Variants in FOXK1 observed in about 807,000 individuals in gnomAD.
FOXK1 encodes forkhead box protein K1.
A neutral mutation model predicts 51.9 loss-of-function variants in FOXK1; 19 were observed. That is an observed-to-expected ratio of 0.37 (90% confidence interval 0.26 to 0.54). The LOEUF is 0.54. FOXK1 is among the 20% of genes least tolerant of loss of function. The pLI, the probability that FOXK1 is intolerant of heterozygous loss-of-function variation, is 0.87. For missense variants in FOXK1, 870 were observed against 1,032.7 expected, an observed-to-expected ratio of 0.84 and a Z score of 2.16; for synonymous variants, 537 against 482.6, an observed-to-expected ratio of 1.11 and a Z score of -1.48.
In FOXK1 at chr7:4,723,395, T is replaced by A. The variant is rs770020706; in HGVS notation, c.561-17443T>A. ...CTGTTTTTGTTTTCTGTGGGGTTTT[T>A]TTTTTGGACGTTCCCAGCTGACTAA... On this transcript the variant is annotated intron_variant, in intron 1 of 8. Transcript: ENST00000328914. This position sits in a 1 kb window ranked among gnomAD's most constrained non-coding sequence, Gnocchi z 4.7. Among the ~76,000 whole-genome samples the A allele has an allele frequency of 6.6e-6, 1 of 152,126 alleles. No individual in the cohort carries two copies. Among genetic ancestry groups the A allele is most frequent in the Non-Finnish European group, 1.5e-5 (1 of 67,986 alleles).
At chr7:4,732,807 C>T (rs1307905090) in intron 1 of FOXK1, among the ~76,000 whole-genome samples, 1 of 152,218 alleles carries the variant, frequency 6.6e-6, no homozygotes, top group Non-Finnish European at 1.5e-5. Flanking sequence ...TCTACTGCTG[C>T]CCTCCTCATC....
intron 1 of FOXK1, among the ~76,000 whole-genome samples, chr7:4,688,335 C>G (rs1779846360): frequency 6.7e-6 from 1 of 149,342 alleles, no homozygotes; most frequent in African/African-American, 2.4e-5. Flanking sequence ...TTACTGTCCT[C>G]AAATAATCAG....
intron 1 of FOXK1, among the ~76,000 whole-genome samples, chr7:4,725,452 G>C (rs1237457730): frequency 6.6e-6 from 1 of 152,246 alleles, no homozygotes; most frequent in Non-Finnish European, 1.5e-5. Context: ...AGCCCAGCCA[G>C]CCAGGGGGAC....
In FOXK1 at chr7:4,747,461, A is replaced by C. The variant is rs12701915; in HGVS notation, c.746+6438A>C. 2.0e-5 allele frequency among the ~76,000 whole-genome samples: 3 copies of C among 152,052 alleles called. No individual in the cohort carries two copies. The highest frequency in any genetic ancestry group is 4.4e-5 in the Non-Finnish European group (3 of 67,984). On this transcript the variant is annotated intron_variant, in intron 2 of 8. Coordinates refer to ENST00000328914, the MANE Select transcript of FOXK1 (RefSeq NM_001037165.2). The surrounding 1 kb of genome is among the most constrained non-coding windows in gnomAD (Gnocchi z 9.2). ...TCACCAGGGCAAAGTGCACTTCAGA[A>C]ACAAGTTAATTTTATTTTCTAAATT...
Position 4,716,680 on chromosome 7 carries a change from A to G in FOXK1, c.561-24158A>G, listed in dbSNP as rs114663813. On this transcript the variant is annotated intron_variant, in intron 1 of 8. Coordinates refer to ENST00000328914, the MANE Select transcript of FOXK1 (RefSeq NM_001037165.2). The stretch of plus-strand genomic sequence containing the variant: ...GTGCTGCTCTTGGAAGCGGGTGAGT[A>G]CAGAGGCCAGTGAGGGCACAGCAGG... Among the ~76,000 whole-genome samples, 506 of 152,260 alleles carry G rather than the reference A, an allele frequency of 3.3e-3. 4 individuals are homozygous for G. The highest frequency in any genetic ancestry group is 0.012 in the African/African-American group (492 of 41,560).
At chr7:4,700,493 C>T (rs1416701558) in intron 1 of FOXK1, among the ~76,000 whole-genome samples, 1 of 152,118 alleles carries the variant, frequency 6.6e-6, no homozygotes, top group Admixed American at 6.5e-5. Flanking sequence ...GTGAGAATTA[C>T]TAGAGATACA....
chr7:4,743,292 C>G lies in FOXK1; in HGVS notation c.746+2269C>G, dbSNP rs183270191. On this transcript the variant is annotated intron_variant, in intron 2 of 8. Transcript: ENST00000328914. The surrounding 1 kb of genome is among the most constrained non-coding windows in gnomAD (Gnocchi z 5.3). ...AACTGGCCGGGCGCGGTGGCTCACA[C>G]TGGTAATGCCAGCACTGTGGGAGGC... is the stretch of plus-strand genomic sequence containing the variant. 1.6e-3 allele frequency among the ~76,000 whole-genome samples: 247 copies of G among 152,338 alleles called. 1 individual carries two copies. Among genetic ancestry groups the G allele is most frequent in the African/African-American group, 5.7e-3 (236 of 41,568 alleles).
At chr7:4,754,416 C>T (rs778518964) in intron 2 of FOXK1, 43 bp from the exon 3 acceptor site, 1 of 1,596,048 alleles carries the variant, frequency 6.3e-7, no homozygotes, top group Admixed American at 1.7e-5. Context: ...CAGGGGCCCC[C>T]TCTTCAGAGC....
Position 4,745,536 on chromosome 7 carries a change from A to T in FOXK1, c.746+4513A>T, listed in dbSNP as rs1215857270. On this transcript the variant is annotated intron_variant, in intron 2 of 8. Coordinates refer to ENST00000328914, the MANE Select transcript of FOXK1 (RefSeq NM_001037165.2). The surrounding 1 kb of genome is among the most constrained non-coding windows in gnomAD (Gnocchi z 4.3). ...CCTGAAGTACTCCACCCAGAAAATG[A>T]ATGAACTCTCTTTGAAATAAATTCT... Among the ~76,000 whole-genome samples, 1 of 152,064 alleles carries T rather than the reference A, an allele frequency of 6.6e-6. No homozygotes were observed. Among genetic ancestry groups the T allele is most frequent in the East Asian group, 1.9e-4 (1 of 5,178 alleles).
chr7:4,759,845 A>G (rs1780908470), intron 7 of FOXK1: 3 of 571,764 alleles, frequency 5.2e-6, no homozygotes, highest in African/African-American at 1.9e-5. Flanking sequence ...AGCCTGGCCA[A>G]CATACTGAAA....
In FOXK1 at chr7:4,730,002, A is replaced by T. The variant is rs997648528; in HGVS notation, c.561-10836A>T. 2.0e-5 allele frequency among the ~76,000 whole-genome samples: 3 copies of T among 152,034 alleles called. No individual in the cohort carries two copies. Among genetic ancestry groups the T allele is most frequent in the South Asian group, 4.2e-4 (2 of 4,814 alleles). ...GAGACTCTGTCGAAACAATTTAAAT[A>T]AAAAAAAGAAAAGGAAAAAGAAAGC... On this transcript the variant is annotated intron_variant, in intron 1 of 8. Transcript: ENST00000328914. This position sits in a 1 kb window ranked among gnomAD's most constrained non-coding sequence, Gnocchi z 4.7.
chr7:4,728,379 C>G (rs192127422), intron 1 of FOXK1, among the ~76,000 whole-genome samples: 29 of 152,344 alleles, frequency 1.9e-4, no homozygotes, highest in African/African-American at 6.7e-4. Flanking sequence ...TGCGGCTGTG[C>G]TGCTGTTGAG....
intron 1 of FOXK1, among the ~76,000 whole-genome samples, chr7:4,708,114 C>T (rs1191891729): frequency 6.6e-6 from 1 of 152,038 alleles, no homozygotes; most frequent in Non-Finnish European, 1.5e-5. Context: ...GCCTGGAACC[C>T]GCCCCGCCCT....
rs538198067 is a variant in FOXK1, at chr7:4,687,443, T to C, written c.560+4575T>C. ...GAGTAGCTGGGATTACAGGCGCACG[T>C]CACCACGCCTGGCTAATTTTTGTAT... On this transcript the variant is annotated intron_variant, in intron 1 of 8. Transcript: ENST00000328914. Among the ~76,000 whole-genome samples, 503 of 151,602 alleles carry C rather than the reference T, an allele frequency of 3.3e-3. 3 individuals carry two copies. Among genetic ancestry groups the C allele is most frequent in the African/African-American group, 0.012 (476 of 41,282 alleles).
At chr7:4,721,581 TTTTTTTTC>T (rs532422875) in intron 1 of FOXK1, among the ~76,000 whole-genome samples, 3,761 of 140,108 alleles carry the variant, frequency 0.027, 150 homozygotes, top group African/African-American at 0.1. Context: ...TTTCTTTTTC[TTTTTTTTC>T]TTTTTTTTTT....
intron 1 of FOXK1, among the ~76,000 whole-genome samples, chr7:4,702,677 A>G (rs556162254): frequency 1.2e-4 from 18 of 152,138 alleles, no homozygotes; most frequent in Non-Finnish European, 2.4e-4. Flanking sequence ...GCGAGTTTTC[A>G]GGTTTGCGTT....
At chr7:4,714,858 G>A (rs1334142957) in intron 1 of FOXK1, among the ~76,000 whole-genome samples, 1 of 152,142 alleles carries the variant, frequency 6.6e-6, no homozygotes, top group Non-Finnish European at 1.5e-5. Flanking sequence ...CAGATGTTTT[G>A]TCCACCTGAG....
intron 1 of FOXK1, among the ~76,000 whole-genome samples, chr7:4,692,808 C>G (rs1779909404): frequency 6.6e-6 from 1 of 152,068 alleles, no homozygotes; most frequent in South Asian, 2.1e-4. Context: ...CTCACTGCAG[C>G]CTTGACCTCC....
chr7:4,719,542 C>G (rs542013762), intron 1 of FOXK1, among the ~76,000 whole-genome samples: 3 of 152,098 alleles, frequency 2.0e-5, no homozygotes, highest in Non-Finnish European at 4.4e-5. Context: ...AGTGCAGTGG[C>G]GAGACCTTGG....
Sources: gnomAD v4.1 joint callset for allele counts (sites outside exome capture counted in the v4.1 genomes callset) on GRCh38, gnomAD v4.1.1 for gene constraint, Gnocchi (gnomAD v3.1) non-coding constraint, MANE v1.5 for transcripts, NCBI Gene and HGNC (gene_info 2026-07-23, HGNC 2026-07-21) for gene names.